Variants in PLD5 observed in about 807,000 individuals in gnomAD.
The protein encoded by PLD5 is phospholipase D family member 5, also known as inactive phospholipase D5.
PLD5 carries 36 observed loss-of-function variants against 61.1 expected under a neutral mutation model. The ratio of observed to expected loss-of-function variants is 0.59; its 90% CI spans 0.45 to 0.78. The LOEUF (loss-of-function observed/expected upper bound fraction) is 0.78, where lower values mean the gene tolerates loss of function less well. Among genes scored for constraint, PLD5 ranks in the 30% least tolerant of loss-of-function variants. The pLI, the probability that PLD5 is intolerant of heterozygous loss-of-function variation, is 0.00. For synonymous variants in PLD5, 243 were observed against 242.8 expected, an observed-to-expected ratio of 1.00 and a Z score of -0.01; for missense variants, 515 against 644.4, an observed-to-expected ratio of 0.80 and a Z score of 2.17.
At chr1:242,499,640 A>G (rs779892182) in intron 1 of PLD5, among the ~76,000 whole-genome samples, 1 of 152,162 alleles carries the variant, frequency 6.6e-6, no homozygotes, top group African/African-American at 2.4e-5. Flanking sequence ...AAGATGGGCT[A>G]CACAGGGGAT....
At chr1:242,497,007 C>T (rs971143997) in intron 1 of PLD5, among the ~76,000 whole-genome samples, 6 of 152,186 alleles carry the variant, frequency 3.9e-5, no homozygotes, top group Admixed American at 1.3e-4. Context: ...AAGAGAAACA[C>T]ACACTCCAGA....
chr1:242,208,897 A>G (rs1207790653), intron 5 of PLD5, among the ~76,000 whole-genome samples: 1 of 152,210 alleles, frequency 6.6e-6, no homozygotes, highest in Admixed American at 6.5e-5. Flanking sequence ...TGTTTGTTCT[A>G]ATTATGCTAA....
intron 4 of PLD5, among the ~76,000 whole-genome samples, chr1:242,242,180 G>T (rs1009276078): frequency 4.6e-5 from 7 of 151,872 alleles, no homozygotes; most frequent in African/African-American, 1.7e-4. Context: ...TTTGTTAAAA[G>T]AGTGAACGAG....
In PLD5 at chr1:242,346,010, A is replaced by G. The variant is rs539451627; in HGVS notation, c.326+2096T>C. Among the ~76,000 whole-genome samples the G allele has an allele frequency of 4.8e-4, 58 of 121,532 alleles. 2 individuals are homozygous for G. In the South Asian group the frequency reaches 0.018, roughly 38 times the overall value. 79.7% of individuals were successfully genotyped at this position (121,532 alleles called of 152,430 possible). On this transcript the variant is annotated intron_variant, in intron 2 of 9. Coordinates refer to ENST00000536534, the MANE Select transcript of PLD5 (RefSeq NM_001372062.1). ...AGAGGTGATGTATGTTTCAGAAAAGATCTCCCCCCCCCCCATATATACAAC... is the reference window on the plus strand; with the variant it reads ...AGAGGTGATGTATGTTTCAGAAAAGGTCTCCCCCCCCCCCATATATACAAC...
At chr1:242,132,818 CA>C (rs1663395814) in intron 5 of PLD5, among the ~76,000 whole-genome samples, 1 of 152,042 alleles carries the variant, frequency 6.6e-6, no homozygotes, top group Non-Finnish European at 1.5e-5. Flanking sequence ...ATTGAAGAGA[CA>C]GGGGAGGATG....
At chr1:242,135,944 G>T (rs1237300118) in intron 5 of PLD5, among the ~76,000 whole-genome samples, 1 of 151,970 alleles carries the variant, frequency 6.6e-6, no homozygotes, top group Non-Finnish European at 1.5e-5. Flanking sequence ...AATGAATTTA[G>T]CATGCAGAGC....
chr1:242,363,467 A>AAAG (rs1553358848), intron 1 of PLD5, among the ~76,000 whole-genome samples: 1 of 148,946 alleles, frequency 6.7e-6, no homozygotes, highest in Non-Finnish European at 1.5e-5. Context: ...AAAAAAAAAA[A>AAAG]AAAAGCCTCA....
intron 9 of PLD5, among the ~76,000 whole-genome samples, chr1:242,093,150 C>G (rs578071066): frequency 6.6e-6 from 1 of 152,282 alleles, no homozygotes; most frequent in East Asian, 1.9e-4. Context: ...CAGAGACCCC[C>G]GTGGCCAAGG....
intron 1 of PLD5, among the ~76,000 whole-genome samples, chr1:242,387,061 A>C (rs1266881078): frequency 6.6e-6 from 1 of 152,222 alleles, no homozygotes; most frequent in African/African-American, 2.4e-5. Flanking sequence ...TAAATGGGGA[A>C]TATATGAGTA....
intron 5 of PLD5, among the ~76,000 whole-genome samples, chr1:242,204,082 G>GA (rs34742543): frequency 9.4e-4 from 136 of 144,638 alleles, no homozygotes; most frequent in Middle Eastern, 3.6e-3. Context: ...TAAAAATACA[G>GA]AAAAAAAAAA....
intron 2 of PLD5, among the ~76,000 whole-genome samples, chr1:242,323,634 G>A (rs1167014703): frequency 1.3e-5 from 2 of 152,122 alleles, no homozygotes; most frequent in Admixed American, 6.6e-5. Flanking sequence ...TCCAGTTCCC[G>A]AGCTGCATAG....
At position 242,231,870 on chromosome 1, in the gene PLD5, G is replaced by A. The variant is rs1449040118; in HGVS notation, c.608-11755C>T. Among the ~76,000 whole-genome samples, 4 of 151,282 alleles carry A rather than the reference G, an allele frequency of 2.6e-5. No homozygotes were observed. In the East Asian group the frequency reaches 7.8e-4, roughly 29 times the overall value. On this transcript the variant is annotated intron_variant, in intron 4 of 9. Coordinates refer to ENST00000536534, the MANE Select transcript of PLD5 (RefSeq NM_001372062.1). The stretch of plus-strand genomic sequence containing the variant: ...ACTAAAAAACTAATGCAAGAAGGAT[G>A]TATCCTATCCAGGGGCAGTAATATC...
At chr1:242,271,390 C>T (rs1403854955) in intron 3 of PLD5, among the ~76,000 whole-genome samples, 2 of 151,686 alleles carry the variant, frequency 1.3e-5, no homozygotes, top group Non-Finnish European at 2.9e-5. Flanking sequence ...ACTAAATCTA[C>T]AAGGTGAAAA....
Position 242,196,373 on chromosome 1 carries a change from C to T in PLD5, c.735+23615G>A, listed in dbSNP as rs1454602667. 3.9e-5 allele frequency among the ~76,000 whole-genome samples: 6 copies of T among 152,268 alleles called. No homozygotes were observed. The Middle Eastern group carries it at 0.01, about 259-fold the overall frequency. Reference sequence around the variant, plus strand: ...AATCATCCCAACTCCATTTTACAACCGATACCCTGCAGGTGCAGGCTCGGA... The same window carrying T: ...AATCATCCCAACTCCATTTTACAACTGATACCCTGCAGGTGCAGGCTCGGA... On this transcript the variant is annotated intron_variant, in intron 5 of 9. Transcript: ENST00000536534.
In PLD5 at chr1:242,481,262, A is replaced by T. The variant is rs1667765423; in HGVS notation, c.189+42826T>A. On this transcript the variant is annotated intron_variant, in intron 1 of 9. Coordinates refer to ENST00000536534, the MANE Select transcript of PLD5 (RefSeq NM_001372062.1). ...AACTTGAGCCAAAGCAGGGCGAGGC[A>T]TCACCTCACCCGGGAAGTGCAAGGG... 3.3e-5 allele frequency among the ~76,000 whole-genome samples: 5 copies of T among 152,316 alleles called. No homozygotes were observed. The South Asian group carries it at 1.0e-3, about 32-fold the overall frequency.
intron 2 of PLD5, among the ~76,000 whole-genome samples, chr1:242,294,770 T>C (rs1292869018): frequency 6.6e-6 from 1 of 152,212 alleles, no homozygotes; most frequent in African/African-American, 2.4e-5. Context: ...GAAAGACATT[T>C]TTTAAAGTAA....
chr1:242,140,154 CCAA>C (rs1203289597), intron 5 of PLD5, among the ~76,000 whole-genome samples: 1 of 152,148 alleles, frequency 6.6e-6, no homozygotes, highest in South Asian at 2.1e-4. Context: ...CTCCTGCACA[CCAA>C]CGTGTTCGGC....
At chr1:242,501,822 G>A (rs985317994) in intron 1 of PLD5, among the ~76,000 whole-genome samples, 33 of 146,932 alleles carry the variant, frequency 2.2e-4, no homozygotes, top group Non-Finnish European at 4.3e-4. Flanking sequence ...ACTACATCAT[G>A]CTGTACCTTA....
In PLD5 at chr1:242,087,585, C is replaced by A. The variant is rs531913255; in HGVS notation, c.*2269G>T. The A allele has an allele frequency of 1.3e-5, 2 of 152,142 alleles. No individual in the cohort carries two copies. Among genetic ancestry groups the A allele is most frequent in the South Asian group, 4.2e-4 (2 of 4,804 alleles). The allele number at this position is 152,142 out of a possible 1,614,324, so 9.4% of individuals were successfully genotyped here. A position where few individuals can be genotyped will look rare whatever the true frequency, so the allele number is the denominator to read the frequency against. On this transcript the variant is annotated 3_prime_UTR_variant, in exon 10 of 10. Transcript: ENST00000536534. ...TGAACTTGGTAGGTTTGTCTCCACT[C>A]CTATTCTGATTCCTTCTTTCCTTTC... is the stretch of plus-strand genomic sequence containing the variant.
Sources: gnomAD v4.1 joint callset for allele counts (sites outside exome capture counted in the v4.1 genomes callset) on GRCh38, gnomAD v4.1.1 for gene constraint, MANE v1.5 for transcripts, NCBI Gene and HGNC (gene_info 2026-07-23, HGNC 2026-07-21) for gene names.